The following SUMF1 variants were observed in gnomAD, a reference collection of about 807,000 sequenced individuals.
SUMF1 encodes the protein sulfatase modifying factor 1.
In SUMF1, 48 loss-of-function variants were observed where a neutral mutation model predicts 47.6. The ratio of observed to expected loss-of-function variants is 1.01; its 90% CI spans 0.80 to 1.28. The LOEUF is 1.28. Among genes scored for constraint, SUMF1 ranks in the 50% most tolerant of loss-of-function variants. SUMF1 has a pLI of 0.00. For missense variants in SUMF1, 571 were observed against 485.4 expected (o/e 1.18, Z -1.66); for synonymous variants, 230 against 192.1 (o/e 1.20, Z -1.63).
intron 1 of SUMF1, among the ~76,000 whole-genome samples, chr3:4,462,809 T>A (rs1288424841): frequency 6.6e-6 from 1 of 152,228 alleles, no homozygotes; most frequent in Non-Finnish European, 1.5e-5. Context: ...ACAGGGCTTA[T>A]TTATCTATAC....
chr3:4,418,238 C>A, intron 4 of SUMF1, 106 bp from the exon 5 acceptor site: 2 of 1,514,790 alleles, frequency 1.3e-6, no homozygotes, highest in Non-Finnish European at 9.0e-7. Context: ...ATCTGTGACA[C>A]TGAGGTCATC....
chr3:4,141,244 T>C (rs1460577612), intron 8 of SUMF1, among the ~76,000 whole-genome samples: 1 of 152,152 alleles, frequency 6.6e-6, no homozygotes, highest in Non-Finnish European at 1.5e-5. Flanking sequence ...CTCATTTCCC[T>C]CCTAATACGG....
intron 8 of SUMF1, among the ~76,000 whole-genome samples, chr3:4,135,796 T>G (rs1357636036): frequency 1.3e-5 from 2 of 152,154 alleles, no homozygotes; most frequent in Admixed American, 1.3e-4. Flanking sequence ...ACAAAATCAA[T>G]GTGCAAAAAT....
intron 8 of SUMF1, among the ~76,000 whole-genome samples, chr3:4,108,842 G>A (rs1464927937): frequency 3.3e-5 from 5 of 152,092 alleles, no homozygotes; most frequent in African/African-American, 1.2e-4. Context: ...TGGGTTTCCT[G>A]AATACAGCAC....
At chr3:4,114,801 T>A (rs1559482945) in intron 8 of SUMF1, among the ~76,000 whole-genome samples, 1 of 152,114 alleles carries the variant, frequency 6.6e-6, no homozygotes, top group Non-Finnish European at 1.5e-5. Flanking sequence ...TACACACAAG[T>A]TCAGTTCACA....
Position 4,135,451 on chromosome 3 carries a change from T to C in SUMF1, c.1015-66706A>G, listed in dbSNP as rs2125091069. Among the ~76,000 whole-genome samples the C allele has an allele frequency of 1.3e-5, 2 of 150,832 alleles. 1 individual carries two copies. The highest frequency in any genetic ancestry group is 4.2e-4 in the South Asian group (2 of 4,752). Reference sequence around the variant, plus strand: ...TTTCATGCTAAAAACTCTCAATAAATTAGGTATTGATGGGATGTATCTCAA... The same window carrying C: ...TTTCATGCTAAAAACTCTCAATAAACTAGGTATTGATGGGATGTATCTCAA... On this transcript the variant is annotated intron_variant and NMD_transcript_variant, in intron 8 of 12. Transcript: ENST00000448413.
intron 8 of SUMF1, among the ~76,000 whole-genome samples, chr3:4,100,499 C>T (rs1219819905): frequency 1.3e-5 from 2 of 151,872 alleles, no homozygotes; most frequent in Non-Finnish European, 2.9e-5. Context: ...AAATGTCCTT[C>T]ATCTCACTCT....
rs1692791609 is a variant in SUMF1, at chr3:4,091,747, G to T, written c.1015-23002C>A. ...CAGTTTGTGCAACCTATATTTACTG[G>T]TAATAATGGTTATGTAAGAGGCCCT... On this transcript the variant is annotated intron_variant and NMD_transcript_variant, in intron 8 of 12. Coordinates refer to the SUMF1 transcript ENST00000448413. Among the ~76,000 whole-genome samples the T allele has an allele frequency of 2.0e-5, 3 of 152,002 alleles. No homozygotes were observed. In the South Asian group the frequency reaches 6.2e-4, roughly 31 times the overall value.
chr3:4,448,229 G>A (rs146275159), intron 3 of SUMF1, among the ~76,000 whole-genome samples: 51 of 152,138 alleles, frequency 3.4e-4, no homozygotes, highest in African/African-American at 1.2e-3. Context: ...TTACCTCACC[G>A]TTTCCCCCAC....
At chr3:4,093,465 T>C (rs1243846342) in intron 8 of SUMF1, among the ~76,000 whole-genome samples, 1 of 151,456 alleles carries the variant, frequency 6.6e-6, no homozygotes, top group Non-Finnish European at 1.5e-5. Context: ...CACCTAACAG[T>C]GGTTGGGGAG....
At chr3:4,159,521 T>C (rs1049571210) in intron 8 of SUMF1, among the ~76,000 whole-genome samples, 1 of 151,932 alleles carries the variant, frequency 6.6e-6, no homozygotes, top group Non-Finnish European at 1.5e-5. Context: ...CAAAAAGTTG[T>C]AGTTTTTTTT....
chr3:4,116,975 G>A (rs630214), intron 8 of SUMF1, among the ~76,000 whole-genome samples: 6,497 of 152,054 alleles, frequency 0.043, 194 homozygotes, highest in Non-Finnish European at 0.065. Context: ...AATGCTAGGT[G>A]AACAAAACAA....
chr3:4,036,514 C>A (rs1344737846), intron 9 of SUMF1, among the ~76,000 whole-genome samples: 1 of 151,796 alleles, frequency 6.6e-6, no homozygotes, highest in Non-Finnish European at 1.5e-5. Context: ...CATGAGGGTT[C>A]TATAACTCTT....
chr3:4,036,670 T>A (rs1694803577), intron 9 of SUMF1, among the ~76,000 whole-genome samples: 1 of 150,064 alleles, frequency 6.7e-6, no homozygotes, highest in Non-Finnish European at 1.5e-5. Flanking sequence ...CCAGAGAAGC[T>A]ACACAGAGCC....
rs140289267 is a variant in SUMF1, at chr3:4,113,432, G to A, written c.1015-44687C>T. 2.6e-3 allele frequency among the ~76,000 whole-genome samples: 389 copies of A among 152,158 alleles called. 8 individuals are homozygous for A. Among genetic ancestry groups the A allele is most frequent in the African/African-American group, 8.9e-3 (368 of 41,472 alleles). ...TAGTCCCAGCTATGTGGGGGGCTGA[G>A]GCAGGAGGATTCCCTGAGCCAGGAG... On this transcript the variant is annotated intron_variant and NMD_transcript_variant, in intron 8 of 12. Transcript: ENST00000448413.
intron 8 of SUMF1, among the ~76,000 whole-genome samples, chr3:4,267,893 C>G (rs1191551472): frequency 6.7e-6 from 1 of 149,866 alleles, no homozygotes; most frequent in Non-Finnish European, 1.5e-5. Flanking sequence ...TGGGTATATA[C>G]CCAAAGGACT....
chr3:4,226,154 G>A (rs750314624), intron 8 of SUMF1, among the ~76,000 whole-genome samples: 3 of 151,690 alleles, frequency 2.0e-5, no homozygotes, highest in Admixed American at 6.6e-5. Flanking sequence ...AATTGTATGC[G>A]CTGAATAAGC....
At chr3:4,097,452 C>T (rs1032133103) in intron 8 of SUMF1, among the ~76,000 whole-genome samples, 2 of 151,970 alleles carry the variant, frequency 1.3e-5, no homozygotes, top group Admixed American at 1.3e-4. Context: ...ACTTGGGAGG[C>T]TGAGGCAGGA....
intron 7 of SUMF1, among the ~76,000 whole-genome samples, chr3:4,389,221 C>G (rs1490010598): frequency 6.6e-6 from 1 of 152,252 alleles, no homozygotes; most frequent in African/African-American, 2.4e-5. Context: ...AGATACTTCA[C>G]TGGATAAGGA....
Sources: gnomAD v4.1 joint callset for allele counts (sites outside exome capture counted in the v4.1 genomes callset) on GRCh38, gnomAD v4.1.1 for gene constraint, MANE v1.5 for transcripts, NCBI Gene and HGNC (gene_info 2026-07-23, HGNC 2026-07-21) for gene names.